TRIM25: variants seen among roughly 807,000 people sequenced by gnomAD.
TRIM25 encodes E3 ubiquitin/ISG15 ligase TRIM25.
Under a neutral mutation model 65.2 loss-of-function variants are expected in TRIM25, and 45 were observed. The ratio of observed to expected loss-of-function variants is 0.69; its 90% CI spans 0.54 to 0.89. The LOEUF (loss-of-function observed/expected upper bound fraction) is 0.89, where lower values mean the gene tolerates loss of function less well. TRIM25 is among the 40% of genes least tolerant of loss of function. The pLI, the probability that TRIM25 is intolerant of heterozygous loss-of-function variation, is 0.00. For missense variants in TRIM25, 714 were observed against 803.7 expected (o/e 0.89, Z 1.35); for synonymous variants, 321 against 340.4 (o/e 0.94, Z 0.63).
chr17:56,901,538 T>C lies in TRIM25; in HGVS notation c.968A>G (p.Tyr323Cys). ...GTGGTTCAGTTCCACCTCGGGGATG[T>C]AGACTGGCTTTGTTGAGATTCCTCG... ...KLRGISTKPV[Y>C]IPEVELNHKL... The change falls in exon 4 of 9, where the codon TAC (tyrosine) becomes TGC (cysteine). Residue 323 changes from tyrosine (Y) to cysteine (C), a missense_variant. Tyr to Cys is a radical substitution (Grantham distance 194). This residue lies in a region of TRIM25 where 413 missense variants were observed against 498.2 expected (regional missense o/e 0.83). Transcript: ENST00000316881. The C allele has an allele frequency of 1.2e-6, 2 of 1,614,154 alleles. No individual in the cohort carries two copies. Among genetic ancestry groups the C allele is most frequent in the Non-Finnish European group, 1.7e-6 (2 of 1,180,024 alleles).
At chr17:56,902,492 G>A (rs1006426036) in intron 3 of TRIM25, among the ~76,000 whole-genome samples, 2 of 152,184 alleles carry the variant, frequency 1.3e-5, no homozygotes, top group African/African-American at 4.8e-5. Flanking sequence ...TGGGAACACC[G>A]ATACGGCATG....
chr17:56,892,207 G>A lies in TRIM25; in HGVS notation c.1386C>T (p.Asp462=). The A allele has an allele frequency of 6.2e-7, 1 of 1,601,400 alleles. No individual in the cohort carries two copies. Among genetic ancestry groups the A allele is most frequent in the Admixed American group, 1.7e-5 (1 of 59,176 alleles). The change falls in exon 9 of 9, where the codon GAC becomes GAT. Residue 462 remains aspartate, a synonymous_variant. Coordinates refer to ENST00000316881, the MANE Select transcript of TRIM25 (RefSeq NM_005082.5). The part of the protein sequence containing the change: ...LLEYYIKVIL[D]YNTAHNKVAL... Reference sequence around the variant, plus strand: ...CCACTTTGTTGTGGGCGGTGTTGTAGTCCAGGATGACTTTAATGTAATCTG... The same window carrying A: ...CCACTTTGTTGTGGGCGGTGTTGTAATCCAGGATGACTTTAATGTAATCTG...
chr17:56,889,094 C>T lies in TRIM25; in HGVS notation c.*2606G>A, dbSNP rs181814587. 2.4e-4 allele frequency: 37 copies of T among 152,186 alleles called. No individual in the cohort carries two copies. The highest frequency in any genetic ancestry group is 5.8e-4 in the African/African-American group (24 of 41,510). The allele number at this position is 152,186 out of a possible 1,614,324, so 9.4% of individuals were successfully genotyped here. On this transcript the variant is annotated 3_prime_UTR_variant, in exon 9 of 9. Transcript: ENST00000316881. The stretch of plus-strand genomic sequence containing the variant: ...AAAATCAATAGTGAGAGGCAGAATA[C>T]GGTAAAAGATAACATATTAGTATTA...
chr17:56,909,153 G>A (rs188765481), intron 1 of TRIM25, among the ~76,000 whole-genome samples: 31 of 151,970 alleles, frequency 2.0e-4, no homozygotes, highest in East Asian at 5.8e-4. Context: ...ATGGGGCAGC[G>A]GGGAGATCTG....
rs984414296 is a variant in TRIM25, at chr17:56,890,195, G to T, written c.*1505C>A. On this transcript the variant is annotated 3_prime_UTR_variant, in exon 9 of 9. Transcript: ENST00000316881. ...AGCTCTCCTCTAAGCAAAGCCCAGA[G>T]TTGGACTCATTTCACTATAAGAGGC... 3.4e-6 allele frequency: 1 copy of T among 292,214 alleles called. No homozygotes were observed. The highest frequency in any genetic ancestry group is 4.7e-5 in the South Asian group (1 of 21,392). 18.1% of individuals were successfully genotyped at this position (292,214 alleles called of 1,614,324 possible).
intron 3 of TRIM25, 109 bp from the exon 4 acceptor site, chr17:56,901,687 C>A: frequency 7.2e-7 from 1 of 1,388,696 alleles, no homozygotes; most frequent in Non-Finnish European, 9.9e-7. Flanking sequence ...GTGCTAAGTC[C>A]AATTGGCCTT....
chr17:56,900,808 G>C (rs1370005630), intron 4 of TRIM25, among the ~76,000 whole-genome samples: 1 of 152,174 alleles, frequency 6.6e-6, no homozygotes, highest in Non-Finnish European at 1.5e-5. Context: ...CTGCATCAGG[G>C]AGTAATAGGA....
Position 56,908,456 on chromosome 17 carries a change from C to G in TRIM25, c.693+12G>C. Reference sequence around the variant, plus strand: ...CAGGGCAGGGCTGGCCTTGGAGAGCCCTGCCACTCACCCGCACATCCTGCT... The same window carrying G: ...CAGGGCAGGGCTGGCCTTGGAGAGCGCTGCCACTCACCCGCACATCCTGCT... On this transcript the variant is annotated intron_variant, in intron 2 of 8. Transcript: ENST00000316881. 1.2e-6 allele frequency: 2 copies of G among 1,613,094 alleles called. No individual in the cohort carries two copies. The highest frequency in any genetic ancestry group is 1.7e-6 in the Non-Finnish European group (2 of 1,179,940).
chr17:56,891,673 C>T lies in TRIM25; in HGVS notation c.*27G>A. ...ACTAGGGTCTTGGGACTTCTGCAGG[C>T]AGTCAGCCCAAGTGCCTACAGCCTG... On this transcript the variant is annotated 3_prime_UTR_variant, in exon 9 of 9. Transcript: ENST00000316881. The T allele has an allele frequency of 6.3e-7, 1 of 1,595,660 alleles. No individual in the cohort carries two copies. Among genetic ancestry groups the T allele is most frequent in the Non-Finnish European group, 8.5e-7 (1 of 1,170,022 alleles).
At position 56,913,394 on chromosome 17, in the gene TRIM25, C is replaced by G. The variant is rs1450176588; in HGVS notation, c.595G>C (p.Glu199Gln). 6.4e-7 allele frequency: 1 copy of G among 1,558,202 alleles called. No individual in the cohort carries two copies. The highest frequency in any genetic ancestry group is 2.3e-5 in the East Asian group (1 of 44,020). ...GCACCCAGCAGGCCGTTCCCTACCT[C>G]CAGGTCGGCGCTGGCCTGGCTCAGG... ...ASLSQASADLEATLRHKLTVM... is the reference protein window; with the variant it reads ...ASLSQASADLQATLRHKLTVM... The change falls in exon 1 of 9, where the codon GAG becomes CAG. Residue 199 changes from glutamate (E) to glutamine (Q), a missense_variant and splice_region_variant. By Grantham distance (29) the Glu-to-Gln change is conservative (BLOSUM62 2). This residue lies in a region of TRIM25 where 291 missense variants were observed against 281.8 expected (regional missense o/e 1.03). Coordinates refer to ENST00000316881, the MANE Select transcript of TRIM25 (RefSeq NM_005082.5). This position sits in a 1 kb window ranked among gnomAD's most constrained non-coding sequence, Gnocchi z 6.1.
chr17:56,913,454 A>T lies in TRIM25; in HGVS notation c.535T>A (p.Cys179Ser). The change falls in exon 1 of 9, where the codon TGC (cysteine) becomes AGC (serine). Residue 179 changes from cysteine to serine, a missense_variant. Transcript: ENST00000316881. This position sits in a 1 kb window ranked among gnomAD's most constrained non-coding sequence, Gnocchi z 6.1. ...GAGCAGGTCTTATGCTCCACCAGGC[A>T]GATGTGGCAGATGCACTCGCTGTGC... ...PEHSECICHI[C>S]LVEHKTCSPA... 1.2e-6 allele frequency: 2 copies of T among 1,610,282 alleles called. No homozygotes were observed. Among genetic ancestry groups the T allele is most frequent in the Non-Finnish European group, 1.7e-6 (2 of 1,177,632 alleles).
chr17:56,907,502 T>C (rs1341974212), intron 2 of TRIM25, among the ~76,000 whole-genome samples: 1 of 152,212 alleles, frequency 6.6e-6, no homozygotes, highest in East Asian at 1.9e-4. Flanking sequence ...AAACCATAAC[T>C]GCTGCAATAA....
In TRIM25 at chr17:56,891,859, G is replaced by A. The variant is rs1416624702; in HGVS notation, c.1734C>T (p.Gly578=). ...TLPSTKATRV[G]VLLNCDHGFV... The stretch of plus-strand genomic sequence containing the variant: ...AGCCGTGGTCACAGTTGAGAAGCAC[G>A]CCCACCCGCGTGGCCTTGGTGGAGG... The change falls in exon 9 of 9, where the codon GGC becomes GGT. Residue 578 remains glycine, a synonymous_variant. Coordinates refer to ENST00000316881, the MANE Select transcript of TRIM25 (RefSeq NM_005082.5). The A allele has an allele frequency of 4.3e-6, 7 of 1,614,106 alleles. No homozygotes were observed. In the African/African-American group the frequency reaches 5.3e-5, roughly 12 times the overall value.
In TRIM25 at chr17:56,895,032, C is replaced by G. The variant is rs370733651; in HGVS notation, c.1363+311G>C. Among the ~76,000 whole-genome samples, 97 of 152,254 alleles carry G rather than the reference C, an allele frequency of 6.4e-4. 1 individual carries two copies. Among genetic ancestry groups the G allele is most frequent in the African/African-American group, 2.1e-3 (87 of 41,538 alleles). Reference sequence around the variant, plus strand: ...CGGCAACGGGACGCCCGGTGAAGGCCGGTGACCGCAATCGCCCTGCCTTCT... The same window carrying G: ...CGGCAACGGGACGCCCGGTGAAGGCGGGTGACCGCAATCGCCCTGCCTTCT... On this transcript the variant is annotated intron_variant, in intron 8 of 8. Coordinates refer to ENST00000316881, the MANE Select transcript of TRIM25 (RefSeq NM_005082.5).
intron 8 of TRIM25, among the ~76,000 whole-genome samples, chr17:56,892,446 CATCT>C (rs1471028535): frequency 1.3e-5 from 2 of 152,116 alleles, no homozygotes; most frequent in Admixed American, 6.5e-5. Flanking sequence ...TCCATCCATC[CATCT>C]ATCCATCTAC....
intron 2 of TRIM25, among the ~76,000 whole-genome samples, 181 bp downstream of exon 2, chr17:56,908,287 G>A (rs1909558653): frequency 6.6e-6 from 1 of 152,102 alleles, no homozygotes; most frequent in Non-Finnish European, 1.5e-5. Flanking sequence ...TTTGGTTTGG[G>A]TTTGCAAAGG....
At chr17:56,898,158 A>G (rs1909332262) in intron 5 of TRIM25, among the ~76,000 whole-genome samples, 1 of 152,190 alleles carries the variant, frequency 6.6e-6, no homozygotes, top group South Asian at 2.1e-4. Context: ...GTATATGGGC[A>G]TGTCAGCGGT....
chr17:56,902,491 C>T (rs879477604), intron 3 of TRIM25, among the ~76,000 whole-genome samples: 6 of 152,142 alleles, frequency 3.9e-5, no homozygotes, highest in African/African-American at 1.4e-4. Context: ...TTGGGAACAC[C>T]GATACGGCAT....
intron 5 of TRIM25, among the ~76,000 whole-genome samples, chr17:56,896,661 C>G (rs1244351712): frequency 4.4e-5 from 6 of 136,604 alleles, no homozygotes; most frequent in African/African-American, 1.5e-4. Flanking sequence ...AAAATGAGAC[C>G]CTGTCTCAAA....
Sources: allele counts gnomAD v4.1 joint callset (sites outside exome capture counted in the v4.1 genomes callset), GRCh38; gene constraint gnomAD v4.1.1; regional missense constraint gnomAD v4.1.1; non-coding constraint Gnocchi (gnomAD v3.1); transcripts MANE v1.5; gene names NCBI Gene and HGNC (gene_info 2026-07-23, HGNC 2026-07-21).